DAB1: variants seen among roughly 807,000 people sequenced by gnomAD.
The protein encoded by DAB1 is disabled homolog 1.
Under a neutral mutation model 64.6 loss-of-function variants are expected in DAB1, and 15 were observed. The observed-to-expected ratio is 0.23, with a 90% CI of 0.16 to 0.36. The LOEUF is 0.36. DAB1 is among the 10% of genes least tolerant of loss of function. DAB1 has a pLI of 1.00. For synonymous variants in DAB1, 235 were observed against 251.9 expected (o/e 0.93, Z 0.64); for missense variants, 596 against 706.7 (o/e 0.84, Z 1.78).
At chr1:57,002,059 C>T (rs72670387) in intron 14 of DAB1, among the ~76,000 whole-genome samples, 1 of 152,332 alleles carries the variant, frequency 6.6e-6, no homozygotes, top group Non-Finnish European at 1.5e-5. Context: ...GAACAGTTCT[C>T]TTCTTAGTGG....
intron 5 of DAB1, among the ~76,000 whole-genome samples, chr1:58,002,767 C>T (rs1646525903): frequency 6.6e-6 from 1 of 152,106 alleles, no homozygotes; most frequent in African/African-American, 2.4e-5. Flanking sequence ...GAGCATATGT[C>T]ATAAATAAAC....
In DAB1 at chr1:57,082,506, G is replaced by A. The variant is rs1002682695; in HGVS notation, c.307-10092C>T. Among the ~76,000 whole-genome samples, 17 of 152,184 alleles carry A rather than the reference G, an allele frequency of 1.1e-4. No homozygotes were observed. The East Asian group carries it at 2.7e-3, about 24-fold the overall frequency. ...TATTAGCCAGTATCTTTCTTTTTCTGTTTTATGTTATTTGTATATTTTTAA... is the reference window on the plus strand; with the variant it reads ...TATTAGCCAGTATCTTTCTTTTTCTATTTTATGTTATTTGTATATTTTTAA... On this transcript the variant is annotated intron_variant, in intron 4 of 14. Coordinates refer to ENST00000371236, the MANE Select transcript of DAB1 (RefSeq NM_001365792.1).
intron 7 of DAB1, among the ~76,000 whole-genome samples, chr1:57,594,865 C>T (rs1439744272): frequency 2.0e-5 from 3 of 152,080 alleles, no homozygotes; most frequent in East Asian, 3.9e-4. Context: ...CGCCTGCCAC[C>T]ACGCCTGGCT....
intron 5 of DAB1, among the ~76,000 whole-genome samples, chr1:58,105,131 C>T (rs937283978): frequency 6.6e-6 from 1 of 152,200 alleles, no homozygotes; most frequent in Non-Finnish European, 1.5e-5. Flanking sequence ...TTGGCACTCC[C>T]ATGTGAGATC....
chr1:58,091,424 T>G (rs1386129385), intron 5 of DAB1, among the ~76,000 whole-genome samples: 2 of 152,216 alleles, frequency 1.3e-5, no homozygotes, highest in Non-Finnish European at 2.9e-5. Flanking sequence ...TGTGTCCCAT[T>G]AAATAATTAA....
At chr1:58,056,208 G>A (rs767646197) in intron 5 of DAB1, 5 of 1,520,214 alleles carry the variant, frequency 3.3e-6, no homozygotes, top group Non-Finnish European at 4.5e-6. Flanking sequence ...GGTCCTTGCG[G>A]GCTTCACGAG....
intron 5 of DAB1, among the ~76,000 whole-genome samples, chr1:58,138,042 A>G (rs1342874227): frequency 6.6e-6 from 1 of 152,184 alleles, no homozygotes; most frequent in Non-Finnish European, 1.5e-5. Flanking sequence ...TAATATTATG[A>G]TATTATTTAA....
intron 1 of DAB1, among the ~76,000 whole-genome samples, chr1:57,327,253 C>G (rs1280121245): frequency 6.6e-6 from 1 of 151,968 alleles, no homozygotes; most frequent in Admixed American, 6.6e-5. Flanking sequence ...CACACAGAGC[C>G]CTCTTTACGT....
At chr1:57,268,034 T>C (rs1483908258) in intron 2 of DAB1, among the ~76,000 whole-genome samples, 1 of 152,184 alleles carries the variant, frequency 6.6e-6, no homozygotes, top group African/African-American at 2.4e-5. Context: ...AATCCATAAA[T>C]ATTTACATGT....
chr1:57,056,228 G>C (rs1202666120), intron 9 of DAB1, among the ~76,000 whole-genome samples: 1 of 151,866 alleles, frequency 6.6e-6, no homozygotes, highest in Non-Finnish European at 1.5e-5. Flanking sequence ...GCCAGGTGGA[G>C]TGGCTCATGC....
intron 7 of DAB1, among the ~76,000 whole-genome samples, chr1:57,485,583 G>A (rs1187204508): frequency 1.3e-5 from 2 of 152,146 alleles, no homozygotes; most frequent in Non-Finnish European, 2.9e-5. Flanking sequence ...TAGAACCACA[G>A]AGTCAAACAG....
At chr1:57,184,138 G>T (rs1663274946) in intron 2 of DAB1, among the ~76,000 whole-genome samples, 1 of 152,158 alleles carries the variant, frequency 6.6e-6, no homozygotes, top group Non-Finnish European at 1.5e-5. Context: ...CAGAAATCCT[G>T]CTGCCCCACA....
rs977035532 is a variant in DAB1, at chr1:57,864,675, T to A, written n.87+19324A>T. On this transcript the variant is annotated intron_variant and non_coding_transcript_variant, in intron 1 of 1. Transcript: ENST00000477280. ...AAAAATTTATTTATTTATTTATTTA[T>A]TTATTTAATTATTTATTTATTTATA... is the stretch of plus-strand genomic sequence containing the variant. 76 of 133,526 alleles carry A rather than the reference T, an allele frequency of 5.7e-4. 1 individual carries two copies. Among genetic ancestry groups the A allele is most frequent in the Admixed American group, 5.3e-3 (67 of 12,594 alleles). 8.3% of individuals were successfully genotyped at this position (133,526 alleles called of 1,614,324 possible).
chr1:57,198,450 C>T (rs566853036), intron 2 of DAB1, among the ~76,000 whole-genome samples: 2 of 152,154 alleles, frequency 1.3e-5, no homozygotes, highest in Admixed American at 6.5e-5. Context: ...TGCCCCAAGC[C>T]CCAGGGCCCT....
At chr1:57,463,495 A>G (rs1278246691) in intron 7 of DAB1, among the ~76,000 whole-genome samples, 1 of 152,182 alleles carries the variant, frequency 6.6e-6, no homozygotes, top group Non-Finnish European at 1.5e-5. Flanking sequence ...AATGCTCAAA[A>G]TATATTCCCT....
At chr1:57,498,758 G>A (rs929344252) in intron 7 of DAB1, among the ~76,000 whole-genome samples, 12 of 152,298 alleles carry the variant, frequency 7.9e-5, no homozygotes, top group East Asian at 3.9e-4. Context: ...TGTTATAGCT[G>A]GTGGGAGATG....
At chr1:57,746,867 ATT>A (rs143589298) in intron 6 of DAB1, among the ~76,000 whole-genome samples, 5 of 147,760 alleles carry the variant, frequency 3.4e-5, no homozygotes, top group African/African-American at 1.2e-4. Flanking sequence ...TAAGAATACC[ATT>A]TTTTTTTTGT....
chr1:57,250,255 T>G (rs1669228269), intron 2 of DAB1, among the ~76,000 whole-genome samples: 1 of 152,220 alleles, frequency 6.6e-6, no homozygotes, highest in South Asian at 2.1e-4. Flanking sequence ...ACACAAATGT[T>G]AATTCCTCAC....
At chr1:57,377,731 A>AGT (rs1681023894) in intron 1 of DAB1, among the ~76,000 whole-genome samples, 1 of 152,176 alleles carries the variant, frequency 6.6e-6, no homozygotes. Flanking sequence ...GGCATCCTCC[A>AGT]GCTGAGTAAC....
Sources: gnomAD v4.1 joint callset for allele counts (sites outside exome capture counted in the v4.1 genomes callset) on GRCh38, gnomAD v4.1.1 for gene constraint, MANE v1.5 for transcripts, NCBI Gene and HGNC (gene_info 2026-07-23, HGNC 2026-07-21) for gene names.